N4BP2L2: variants seen among roughly 807,000 people sequenced by gnomAD.
N4BP2L2 encodes NEDD4-binding protein 2-like 2.
Under a neutral mutation model 56.2 loss-of-function variants are expected in N4BP2L2, and 50 were observed. That is an observed-to-expected ratio of 0.89 (90% CI 0.71 to 1.13). The LOEUF is 1.13. Among genes scored for constraint, N4BP2L2 ranks in the 50% most tolerant of loss-of-function variants. The pLI is 0.00. For missense variants in N4BP2L2, 689 were observed against 693.8 expected, an observed-to-expected ratio of 0.99 and a Z score of 0.08; for synonymous variants, 203 against 223.6, an observed-to-expected ratio of 0.91 and a Z score of 0.82.
intron 6 of N4BP2L2, chr13:32,490,160 C>T (rs893863846): frequency 6.6e-6 from 1 of 152,186 alleles, no homozygotes; most frequent in African/African-American, 2.4e-5. Flanking sequence ...CTTCTAACAT[C>T]CATATAATTT....
intron 6 of N4BP2L2, among the ~76,000 whole-genome samples, chr13:32,500,865 CTT>C (rs368419149): frequency 1.3e-4 from 17 of 127,388 alleles, no homozygotes; most frequent in Admixed American, 3.3e-4. Flanking sequence ...TTAGTCTTTT[CTT>C]TTTTTTTTTT....
In N4BP2L2 at chr13:32,522,284, T is replaced by C. The variant is rs760859857; in HGVS notation, c.1385-14A>G. The stretch of plus-strand genomic sequence containing the variant: ...TAGCTTGTTTTGCTGAAATAAAATA[T>C]AAATTTAAAAATAAAAAAACAAATT... On this transcript the variant is annotated splice_polypyrimidine_tract_variant and intron_variant, in intron 3 of 5. Transcript: ENST00000267068. 2.7e-6 allele frequency: 4 copies of C among 1,458,298 alleles called. No homozygotes were observed. The Admixed American group carries it at 9.3e-5, about 34-fold the overall frequency. The allele number at this position is 1,458,298 out of a possible 1,614,324, so 90.3% of individuals were successfully genotyped here. A position where few individuals can be genotyped will look rare whatever the true frequency, so the allele number is the denominator to read the frequency against.
intron 3 of N4BP2L2, chr13:32,526,818 G>GTTTTTTTTGT (rs2053007178): frequency 4.1e-5 from 1 of 24,234 alleles, no homozygotes; most frequent in Non-Finnish European, 7.9e-5. Flanking sequence ...CTTTTTGTCT[G>GTTTTTTTTGT]TTTTTTTTTT....
exon 6 of N4BP2L2, chr13:32,511,010 A>T (rs2048014956): frequency 6.6e-6 from 1 of 152,102 alleles, no homozygotes; most frequent in African/African-American, 2.4e-5. Context: ...TTAAAAAAAA[A>T]TAATACAGGG....
chr13:32,446,151 C>A (rs1297199328), intron 6 of N4BP2L2, among the ~76,000 whole-genome samples: 2 of 152,194 alleles, frequency 1.3e-5, no homozygotes, highest in Non-Finnish European at 2.9e-5. Context: ...ATATGCTGGG[C>A]AATTTTCAAT....
chr13:32,474,878 A>G (rs1357859251), intron 6 of N4BP2L2, among the ~76,000 whole-genome samples: 1 of 152,224 alleles, frequency 6.6e-6, no homozygotes, highest in Non-Finnish European at 1.5e-5. Flanking sequence ...ACAATGGAGT[A>G]CTGTACATGA....
chr13:32,452,866 T>G (rs1037758692), intron 6 of N4BP2L2, among the ~76,000 whole-genome samples: 4 of 152,140 alleles, frequency 2.6e-5, no homozygotes, highest in African/African-American at 9.7e-5. Flanking sequence ...CCAGTTCCAT[T>G]CAACATTGTA....
At chr13:32,480,492 G>A (rs1015406452) in intron 6 of N4BP2L2, 1 of 598,920 alleles carries the variant, frequency 1.7e-6, no homozygotes, top group Admixed American at 3.4e-5. Flanking sequence ...CATATTTAAA[G>A]TCTCTTCAAC....
At chr13:32,514,717 T>G (rs1024522829) in exon 6 of N4BP2L2, 8 of 152,238 alleles carry the variant, frequency 5.3e-5, no homozygotes, top group African/African-American at 1.9e-4. Flanking sequence ...TATAGATTTT[T>G]AAACACCAAG....
chr13:32,506,770 C>A (rs2091022534), downstream of N4BP2L2: 1 of 152,050 alleles, frequency 6.6e-6, no homozygotes, highest in African/African-American at 2.4e-5. Context: ...GGCTGGAATA[C>A]AGAAAGTGAG....
In N4BP2L2 at chr13:32,527,388, A is replaced by G. The variant is rs1265177224; in HGVS notation, c.1384+20T>C. 1.2e-6 allele frequency: 2 copies of G among 1,611,250 alleles called. No individual in the cohort carries two copies. Among genetic ancestry groups the G allele is most frequent in the Non-Finnish European group, 1.7e-6 (2 of 1,179,202 alleles). ...TCCTAGCCAAATATTCTATCCTGGG[A>G]CACTTAGCCCAAAACAAACCTCTGT... On this transcript the variant is annotated intron_variant, in intron 3 of 5. Coordinates refer to ENST00000267068, the Ensembl canonical transcript of N4BP2L2.
At chr13:32,496,362 G>A (rs1011415305) in intron 6 of N4BP2L2, among the ~76,000 whole-genome samples, 1 of 151,974 alleles carries the variant, frequency 6.6e-6, no homozygotes, top group Non-Finnish European at 1.5e-5. Context: ...ATGTATTTAA[G>A]ACCACCGCCT....
intron 2 of N4BP2L2, among the ~76,000 whole-genome samples, chr13:32,530,890 A>AC: frequency 1.7e-5 from 1 of 58,828 alleles, no homozygotes; most frequent in East Asian, 3.0e-4. Flanking sequence ...GGAGATTACT[A>AC]AAAAAAAAAA....
chr13:32,457,970 T>C (rs149136222), intron 6 of N4BP2L2, among the ~76,000 whole-genome samples: 119 of 152,318 alleles, frequency 7.8e-4, no homozygotes, highest in African/African-American at 2.7e-3. Flanking sequence ...TATCAATAAT[T>C]ACCTCAAATG....
At chr13:32,436,920 G>A (rs1290701410) in intron 8 of N4BP2L2, among the ~76,000 whole-genome samples, 5 of 146,906 alleles carry the variant, frequency 3.4e-5, no homozygotes, top group Non-Finnish European at 7.4e-5. Context: ...TTGCTCTGTC[G>A]CCCAGGATGG....
At chr13:32,444,107 T>A in exon 7 of N4BP2L2, 1 of 1,525,914 alleles carries the variant, frequency 6.6e-7, no homozygotes, top group Non-Finnish European at 8.8e-7. Context: ...CTATGCCCAG[T>A]TTTCTTCAAA....
At chr13:32,517,581 C>T in exon 6 of N4BP2L2, 2 of 1,305,760 alleles carry the variant, frequency 1.5e-6, no homozygotes, top group South Asian at 3.7e-5. Context: ...TCCATAACAG[C>T]CAAGAGTATT....
intron 6 of N4BP2L2, among the ~76,000 whole-genome samples, chr13:32,461,953 G>T (rs2080169710): frequency 6.6e-6 from 1 of 152,182 alleles, no homozygotes; most frequent in Admixed American, 6.5e-5. Context: ...AGATGCTGGG[G>T]AGGATATGGA....
chr13:32,505,569 A>G (rs1165162783), downstream of N4BP2L2: 1 of 152,224 alleles, frequency 6.6e-6, no homozygotes, highest in Non-Finnish European at 1.5e-5. Flanking sequence ...AAACCAGGCC[A>G]TATCTTTAAT....
Sources: allele counts gnomAD v4.1 joint callset (sites outside exome capture counted in the v4.1 genomes callset), GRCh38; gene constraint gnomAD v4.1.1; transcripts MANE v1.5; gene names NCBI Gene and HGNC (gene_info 2026-07-23, HGNC 2026-07-21).